NSRP1: variants seen among roughly 807,000 people sequenced by gnomAD.
NSRP1 encodes the protein coiled-coil domain containing 55.
Under a neutral mutation model 54.7 loss-of-function variants are expected in NSRP1, and 24 were observed. The ratio of observed to expected loss-of-function variants is 0.44; its 90% confidence interval spans 0.32 to 0.62. The LOEUF (loss-of-function observed/expected upper bound fraction) is 0.62, where lower values mean the gene tolerates loss of function less well. Ranked by LOEUF, NSRP1 falls within the 20% of genes least tolerant of loss-of-function variation. The pLI is 0.06. For synonymous variants in NSRP1, 210 were observed against 213.8 expected (o/e 0.98, Z 0.15); for missense variants, 596 against 651.2 (o/e 0.92, Z 0.92).
intron 2 of NSRP1, among the ~76,000 whole-genome samples, chr17:30,124,019 C>G (rs888723684): frequency 5.3e-5 from 8 of 151,968 alleles, no homozygotes; most frequent in African/African-American, 1.9e-4. Flanking sequence ...CATGCCTGTA[C>G]CCTCATGCAC....
At chr17:30,174,833 A>G (rs1244305785) in intron 3 of NSRP1, among the ~76,000 whole-genome samples, 1 of 152,238 alleles carries the variant, frequency 6.6e-6, no homozygotes, top group Non-Finnish European at 1.5e-5. Context: ...TAAGCATAAA[A>G]TGTTATCATT....
intron 2 of NSRP1, among the ~76,000 whole-genome samples, chr17:30,148,094 C>T (rs2071874340): frequency 6.6e-6 from 1 of 152,162 alleles, no homozygotes; most frequent in African/African-American, 2.4e-5. Flanking sequence ...GGATTACAGG[C>T]GTGAGTCACT....
In NSRP1 at chr17:30,179,148, A is replaced by G; in HGVS notation, c.359A>G (p.Lys120Arg). 1.2e-6 allele frequency: 2 copies of G among 1,604,684 alleles called. No homozygotes were observed. The highest frequency in any genetic ancestry group is 1.7e-6 in the Non-Finnish European group (2 of 1,174,602). Residue 120 changes from lysine to arginine, a missense_variant, in exon 5 of 7, where the codon AAA (lysine) becomes AGA (arginine). Coordinates refer to ENST00000247026, the MANE Select transcript of NSRP1 (RefSeq NM_032141.4). ...AVEIRKKEQE[K>R]RMEKKIQRER... ...GAGATCAGAAAAAAGGAACAGGAAA[A>G]AAGAATGGAAAAGAAAATACAGAGA...
chr17:30,136,289 T>G (rs536440873), intron 2 of NSRP1, among the ~76,000 whole-genome samples: 2 of 152,192 alleles, frequency 1.3e-5, no homozygotes, highest in Admixed American at 6.5e-5. Flanking sequence ...ATATGTAGAT[T>G]TGTTTTTTTG....
At chr17:30,157,976 A>G (rs1904369910) in intron 2 of NSRP1, among the ~76,000 whole-genome samples, 2 of 152,250 alleles carry the variant, frequency 1.3e-5, no homozygotes, top group South Asian at 4.1e-4. Context: ...TCCTTTTGAT[A>G]CACTGATTTC....
At chr17:30,136,342 A>G (rs1387126357) in intron 2 of NSRP1, among the ~76,000 whole-genome samples, 2 of 152,122 alleles carry the variant, frequency 1.3e-5, no homozygotes, top group African/African-American at 2.4e-5. Context: ...ATCCTGGTTC[A>G]ATACCATATT....
At chr17:30,169,107 T>C (rs1043977816) in intron 2 of NSRP1, among the ~76,000 whole-genome samples, 1 of 152,098 alleles carries the variant, frequency 6.6e-6, no homozygotes, top group African/African-American at 2.4e-5. Flanking sequence ...AACAAAATCT[T>C]TTGAGGTGTC....
At chr17:30,171,613 T>A (rs561220220) in intron 2 of NSRP1, among the ~76,000 whole-genome samples, 1 of 151,296 alleles carries the variant, frequency 6.6e-6, no homozygotes, top group East Asian at 1.9e-4. Flanking sequence ...GGCCATATAT[T>A]GTGATTATTT....
intron 2 of NSRP1, among the ~76,000 whole-genome samples, chr17:30,128,700 C>T (rs553017548): frequency 6.6e-6 from 1 of 152,162 alleles, no homozygotes; most frequent in South Asian, 2.1e-4. Context: ...TATCTTGGGT[C>T]TCTTTATGAT....
chr17:30,168,671 T>C (rs1466669847), intron 2 of NSRP1: 1 of 150,876 alleles, frequency 6.6e-6, no homozygotes, highest in African/African-American at 2.4e-5. Context: ...GTAGTAGTTA[T>C]TTTTCAGTCT....
intron 3 of NSRP1, among the ~76,000 whole-genome samples, chr17:30,173,091 G>A (rs965708667): frequency 9.2e-5 from 14 of 152,020 alleles, no homozygotes; most frequent in African/African-American, 3.4e-4. Flanking sequence ...AGCCTCCCGA[G>A]TAGCTGGGAC....
chr17:30,134,549 T>C (rs1257194609), intron 2 of NSRP1, among the ~76,000 whole-genome samples: 2 of 152,188 alleles, frequency 1.3e-5, no homozygotes, highest in East Asian at 3.8e-4. Flanking sequence ...AGGTTTCAGC[T>C]GAAAGAGAAG....
chr17:30,158,736 C>T (rs189995335), intron 2 of NSRP1, among the ~76,000 whole-genome samples: 5 of 152,172 alleles, frequency 3.3e-5, no homozygotes, highest in Admixed American at 2.0e-4. Context: ...CCCCAGTATA[C>T]GTTCTTGACA....
At chr17:30,151,817 T>C (rs1198526472) in intron 2 of NSRP1, among the ~76,000 whole-genome samples, 2 of 151,528 alleles carry the variant, frequency 1.3e-5, no homozygotes, top group Non-Finnish European at 2.9e-5. Flanking sequence ...AGTTTTTCTT[T>C]TGTTACCTAG....
rs964449971 is a variant in NSRP1, at chr17:30,138,909, G to GTTTTTTTT, written c.114+20755_114+20762dup. Among the ~76,000 whole-genome samples, 4 of 58,188 alleles carry GTTTTTTTT rather than the reference G, an allele frequency of 6.9e-5. 1 individual carries two copies. The highest frequency in any genetic ancestry group is 1.3e-4 in the Non-Finnish European group (4 of 31,398). The allele number at this position is 58,188 out of a possible 152,430, so 38.2% of individuals were successfully genotyped here. On this transcript the variant is annotated intron_variant, in intron 2 of 6. Transcript: ENST00000247026. Reference sequence around the variant, plus strand: ...ATGAAGTGGTATCTCAAGTCTTAGCGTTTTTTTTTTTTTTTTTTTTTTTTT... The same window carrying GTTTTTTTT: ...ATGAAGTGGTATCTCAAGTCTTAGCGTTTTTTTTTTTTTTTTTTTTTTTTTTTTTTTTT...
chr17:30,181,673 C>T (rs911160988), intron 6 of NSRP1, among the ~76,000 whole-genome samples: 2 of 149,534 alleles, frequency 1.3e-5, no homozygotes, highest in South Asian at 2.1e-4. Flanking sequence ...TGCAATGGCG[C>T]GATCTCTGCT....
chr17:30,139,469 T>G lies in NSRP1; in HGVS notation c.114+21296T>G, dbSNP rs530187600. Among the ~76,000 whole-genome samples the G allele has an allele frequency of 4.6e-5, 7 of 152,306 alleles. 1 individual carries two copies. Among genetic ancestry groups the G allele is most frequent in the African/African-American group, 1.7e-4 (7 of 41,566 alleles). On this transcript the variant is annotated intron_variant, in intron 2 of 6. Transcript: ENST00000247026. The stretch of plus-strand genomic sequence containing the variant: ...CCAGATCCAGTTTCATTAAGTTTTC[T>G]GTTTTCTTTCAAGAGTTTTATAGTT...
At chr17:30,176,973 A>C (rs1905147310) in intron 3 of NSRP1, among the ~76,000 whole-genome samples, 1 of 152,172 alleles carries the variant, frequency 6.6e-6, no homozygotes, top group African/African-American at 2.4e-5. Context: ...TGGGTTCTAC[A>C]TTAGCCAATC....
intron 2 of NSRP1, among the ~76,000 whole-genome samples, chr17:30,126,855 G>T (rs2071654638): frequency 6.6e-6 from 1 of 152,220 alleles, no homozygotes; most frequent in African/African-American, 2.4e-5. Context: ...CTCCCAAAGT[G>T]CTAGGATTAC....
Sources: allele counts gnomAD v4.1 joint callset (sites outside exome capture counted in the v4.1 genomes callset), GRCh38; gene constraint gnomAD v4.1.1; transcripts MANE v1.5; gene names NCBI Gene and HGNC (gene_info 2026-07-23, HGNC 2026-07-21).